The following KBTBD7 variants were observed in gnomAD, a reference collection of about 807,000 sequenced individuals.
KBTBD7 encodes kelch repeat and BTB domain-containing protein 7.
A neutral mutation model predicts 50.3 loss-of-function variants in KBTBD7; 25 were observed. That is an observed-to-expected ratio of 0.50 (90% confidence interval 0.36 to 0.69). KBTBD7 has a LOEUF of 0.69. Among genes scored for constraint, KBTBD7 ranks in the 30% least tolerant of loss-of-function variants. The pLI is 0.00. For synonymous variants in KBTBD7, 305 were observed against 325.3 expected, an observed-to-expected ratio of 0.94 and a Z score of 0.67; for missense variants, 653 against 869.5, an observed-to-expected ratio of 0.75 and a Z score of 3.13.
rs763261469 is a variant in KBTBD7 at position 41,194,304 on chromosome 13, A to C, written c.-47T>G. ...TGACGGCGAGAAAGGCTGCAGGACC[A>C]GGCTCTGGCTCCTCCTCAACCTTCC... On this transcript the variant is annotated 5_prime_UTR_variant, in exon 1 of 1. Coordinates refer to ENST00000379483, the MANE Select transcript of KBTBD7 (RefSeq NM_032138.7). The C allele has an allele frequency of 1.4e-4, 218 of 1,590,590 alleles. No individual in the cohort carries two copies. Among genetic ancestry groups the C allele is most frequent in the East Asian group, 2.5e-4 (11 of 44,654 alleles).
chr13:41,192,073 A>G lies in KBTBD7; in HGVS notation c.*130T>C. ...TCATGGACTGTCTAAACCTTGTAGT[A>G]TTTCAAAATATTACCCTTTCTAAAC... On this transcript the variant is annotated 3_prime_UTR_variant, in exon 1 of 1. Coordinates refer to ENST00000379483, the MANE Select transcript of KBTBD7 (RefSeq NM_032138.7). 1 of 829,884 alleles carries G rather than the reference A, an allele frequency of 1.2e-6. No individual in the cohort carries two copies. Among genetic ancestry groups the G allele is most frequent in the Non-Finnish European group, 1.9e-6 (1 of 514,848 alleles). 51.4% of individuals were successfully genotyped at this position (829,884 alleles called of 1,614,324 possible).
chr13:41,194,547 G>T lies in KBTBD7; in HGVS notation c.-290C>A. The stretch of plus-strand genomic sequence containing the variant: ...CCCCCACTGCCGCGCTGGCGATCCC[G>T]CTAGGCGCCCGGGAGAACTACTGCT... On this transcript the variant is annotated 5_prime_UTR_variant, in exon 1 of 1. Transcript: ENST00000379483. 5.8e-6 allele frequency: 3 copies of T among 513,696 alleles called. No homozygotes were observed. In the South Asian group the frequency reaches 8.0e-5, roughly 14 times the overall value. The allele number at this position is 513,696 out of a possible 1,614,324, so 31.8% of individuals were successfully genotyped here. A position where few individuals can be genotyped will look rare whatever the true frequency, so the allele number is the denominator to read the frequency against.
rs774509202 is a variant in KBTBD7, at chr13:41,193,924, C to A, written c.334G>T (p.Val112Leu). ...GGMYESQQAS[V>L]TMHDVDAESF... The stretch of plus-strand genomic sequence containing the variant: ...TCGGCGTCCACATCGTGCATGGTCA[C>A]GCTGGCCTGCTGGCTCTCGTACATG... Residue 112 changes from valine (V) to leucine (L), a missense_variant, in exon 1 of 1, where the codon GTG becomes TTG. This residue lies in a region of KBTBD7 where 526 missense variants were observed against 717.1 expected (regional missense o/e 0.73). Transcript: ENST00000379483. This position sits in a 1 kb window ranked among gnomAD's most constrained non-coding sequence, Gnocchi z 5.7. 6 of 1,613,920 alleles carry A rather than the reference C, an allele frequency of 3.7e-6. No homozygotes were observed. The South Asian group carries it at 6.6e-5, about 18-fold the overall frequency.
At position 41,191,368 on chromosome 13, in the gene KBTBD7, C is replaced by G. The variant is rs1286264340; in HGVS notation, c.*835G>C. On this transcript the variant is annotated 3_prime_UTR_variant, in exon 1 of 1. Coordinates refer to ENST00000379483, the MANE Select transcript of KBTBD7 (RefSeq NM_032138.7). ...ATGTATTGGGCATAAATTAAAAACA[C>G]AAACATAAAAAGCAAGTTACCGTTT... The G allele has an allele frequency of 2.1e-5, 3 of 141,804 alleles. No individual in the cohort carries two copies. In the East Asian group the frequency reaches 6.1e-4, roughly 29 times the overall value. 8.8% of individuals were successfully genotyped at this position (141,804 alleles called of 1,614,324 possible).
rs1248948806 is a variant in KBTBD7 at position 41,194,177 on chromosome 13, C to T, written c.81G>A (p.Lys27=). The T allele has an allele frequency of 1.9e-6, 3 of 1,614,088 alleles. No homozygotes were observed. Among genetic ancestry groups the T allele is most frequent in the Non-Finnish European group, 2.5e-6 (3 of 1,180,050 alleles). ...RGGRRPKRIS[K]PSVSAFFTGP... ...CCGTGAAAAAGGCCGAAACCGAGGG[C>T]TTGGAAATCCTCTTGGGCCGCCTCC... The change falls in exon 1 of 1, where the codon AAG becomes AAA. Residue 27 remains lysine, a synonymous_variant. Coordinates refer to ENST00000379483, the MANE Select transcript of KBTBD7 (RefSeq NM_032138.7).
rs1269669600 is a variant in KBTBD7 at position 41,194,273 on chromosome 13, G to A, written c.-16C>T. The stretch of plus-strand genomic sequence containing the variant: ...GGGACTGCATGGTGGAGATGGCGAC[G>A]GGCGCTGACGGCGAGAAAGGCTGCA... On this transcript the variant is annotated 5_prime_UTR_variant, in exon 1 of 1. Transcript: ENST00000379483. The A allele has an allele frequency of 1.2e-6, 2 of 1,607,282 alleles. No homozygotes were observed. Among genetic ancestry groups the A allele is most frequent in the African/African-American group, 1.3e-5 (1 of 74,674 alleles).
In KBTBD7 at chr13:41,193,085, T is replaced by C; in HGVS notation, c.1173A>G (p.Pro391=). ...GAGCAGCTAGATAGATGTCATGGTCTGGGGACACACAGACAGCTGAGGAGG... is the reference window on the plus strand; with the variant it reads ...GAGCAGCTAGATAGATGTCATGGTCCGGGGACACACAGACAGCTGAGGAGG... ...TVTSSAVCVS[P]DHDIYLAAQP... The change falls in exon 1 of 1, where the codon CCA becomes CCG. Residue 391 remains proline (P), a synonymous_variant. Coordinates refer to ENST00000379483, the MANE Select transcript of KBTBD7 (RefSeq NM_032138.7). The surrounding 1 kb of genome is among the most constrained non-coding windows in gnomAD (Gnocchi z 5.7). The C allele has an allele frequency of 6.2e-7, 1 of 1,614,220 alleles. No individual in the cohort carries two copies. Among genetic ancestry groups the C allele is most frequent in the Non-Finnish European group, 8.5e-7 (1 of 1,180,044 alleles).
chr13:41,192,677 A>G lies in KBTBD7; in HGVS notation c.1581T>C (p.Cys527=). 1.2e-6 allele frequency: 2 copies of G among 1,614,200 alleles called. No individual in the cohort carries two copies. Among genetic ancestry groups the G allele is most frequent in the Non-Finnish European group, 1.7e-6 (2 of 1,180,048 alleles). ...EACVFNDEIY[C]ICDIPVMKVY... is the part of the protein sequence containing the mutation. ...CCTTCATGACTGGGATGTCACAGAT[A>G]CAATAGATTTCATCATTGAAGACAC... Residue 527 remains cysteine (C), a synonymous_variant, in exon 1 of 1, where the codon TGT becomes TGC. Coordinates refer to ENST00000379483, the MANE Select transcript of KBTBD7 (RefSeq NM_032138.7).
rs1232394448 is a variant in KBTBD7 at position 41,193,541 on chromosome 13, T to C, written c.717A>G (p.Val239=). The C allele has an allele frequency of 3.7e-6, 6 of 1,614,086 alleles. No homozygotes were observed. The highest frequency in any genetic ancestry group is 1.7e-5 in the Admixed American group (1 of 59,998). Residue 239 remains valine (V), a synonymous_variant, in exon 1 of 1, where the codon GTA becomes GTG. Coordinates refer to ENST00000379483, the MANE Select transcript of KBTBD7 (RefSeq NM_032138.7). This position sits in a 1 kb window ranked among gnomAD's most constrained non-coding sequence, Gnocchi z 5.7. ...DSLDIESERT[V]CHVAVQWLEA... ...CCAGCCACTGCACAGCTACATGGCA[T>C]ACAGTCCGCTCACTCTCTATGTCCA...
rs1227465112 is a variant in KBTBD7, at chr13:41,194,143, C to T, written c.115G>A (p.Glu39Lys). Residue 39 changes from glutamate to lysine, a missense_variant, in exon 1 of 1, where the codon GAG (glutamate) becomes AAG (lysine). This residue lies in a region of KBTBD7 where 119 missense variants were observed against 125.0 expected (regional missense o/e 0.95). Coordinates refer to ENST00000379483, the MANE Select transcript of KBTBD7 (RefSeq NM_032138.7). ...SVSAFFTGPE[E>K]LKDTAHSAAL... ...GCAGAATGGGCCGTGTCCTTTAACT[C>T]CTCTGGACCCGTGAAAAAGGCCGAA... 5 of 1,614,230 alleles carry T rather than the reference C, an allele frequency of 3.1e-6. No individual in the cohort carries two copies. Among genetic ancestry groups the T allele is most frequent in the Non-Finnish European group, 4.2e-6 (5 of 1,180,050 alleles).
In KBTBD7 at chr13:41,194,346, C is replaced by A; in HGVS notation, c.-89G>T. ...CAACCTTCCCTCGCTGACGCTAAGA[C>A]AAGCCGCGTCCTGGAACAGACTGCG... On this transcript the variant is annotated 5_prime_UTR_variant, in exon 1 of 1. Transcript: ENST00000379483. 6.6e-7 allele frequency: 1 copy of A among 1,511,946 alleles called. No homozygotes were observed. Among genetic ancestry groups the A allele is most frequent in the Non-Finnish European group, 8.9e-7 (1 of 1,125,222 alleles). The allele number at this position is 1,511,946 out of a possible 1,614,324, so 93.7% of individuals were successfully genotyped here.
chr13:41,191,965 A>G lies in KBTBD7; in HGVS notation c.*238T>C. 1 of 409,930 alleles carries G rather than the reference A, an allele frequency of 2.4e-6. No homozygotes were observed. Among genetic ancestry groups the G allele is most frequent in the Non-Finnish European group, 4.3e-6 (1 of 231,202 alleles). The allele number at this position is 409,930 out of a possible 1,614,324, so 25.4% of individuals were successfully genotyped here. On this transcript the variant is annotated 3_prime_UTR_variant, in exon 1 of 1. Coordinates refer to ENST00000379483, the MANE Select transcript of KBTBD7 (RefSeq NM_032138.7). ...TTTGAACAATGAAAAAAACCTACCA[A>G]GCATCCTAATCAATTATATAGTTCT...
At position 41,192,284 on chromosome 13, in the gene KBTBD7, A is replaced by C; in HGVS notation, c.1974T>G (p.Ser658Arg). The change falls in exon 1 of 1, where the codon AGT becomes AGG. Residue 658 changes from serine to arginine, a missense_variant. Physicochemically the swap from Ser to Arg is moderately radical, Grantham distance 110 (BLOSUM62 -1). Coordinates refer to ENST00000379483, the MANE Select transcript of KBTBD7 (RefSeq NM_032138.7). Reference protein sequence around the residue: ...GFSELDSESGSSSSFSDDEVW... With the variant: ...GFSELDSESGRSSSFSDDEVW... ...CTTCATCATCTGAAAAAGAACTTGAACTTCCTGACTCAGAGTCCAGCTCAC... is the reference window on the plus strand; with the variant it reads ...CTTCATCATCTGAAAAAGAACTTGACCTTCCTGACTCAGAGTCCAGCTCAC... 1 of 1,614,166 alleles carries C rather than the reference A, an allele frequency of 6.2e-7. No homozygotes were observed. The highest frequency in any genetic ancestry group is 8.5e-7 in the Non-Finnish European group (1 of 1,180,034).
rs373720913 is a variant in KBTBD7, at chr13:41,192,716, G to A, written c.1542C>T (p.Asp514=). 79 of 1,614,082 alleles carry A rather than the reference G, an allele frequency of 4.9e-5. No homozygotes were observed. The highest frequency in any genetic ancestry group is 6.2e-5 in the Non-Finnish European group (73 of 1,180,024). ...CATTGAAGACACATGCTTCCTGAAA[G>A]TCACTACGTTTAAGAGAAGCACAGT... is the stretch of plus-strand genomic sequence containing the variant. ...WLNCASLKRS[D]FQEACVFNDE... is the part of the protein sequence containing the mutation. Residue 514 remains aspartate, a synonymous_variant, in exon 1 of 1, where the codon GAC becomes GAT. Coordinates refer to ENST00000379483, the MANE Select transcript of KBTBD7 (RefSeq NM_032138.7).
In KBTBD7 at chr13:41,194,426, T is replaced by G; in HGVS notation, c.-169A>C. Reference sequence around the variant, plus strand: ...ATCCCGCGGTGAGGCCTCCCTTTATTGCATAGACAGTGGCTGACTCACCCT... The same window carrying G: ...ATCCCGCGGTGAGGCCTCCCTTTATGGCATAGACAGTGGCTGACTCACCCT... On this transcript the variant is annotated 5_prime_UTR_variant, in exon 1 of 1. Transcript: ENST00000379483. The G allele has an allele frequency of 2.4e-6, 2 of 847,704 alleles. No homozygotes were observed. The highest frequency in any genetic ancestry group is 1.8e-5 in the South Asian group (1 of 54,900). 52.5% of individuals were successfully genotyped at this position (847,704 alleles called of 1,614,324 possible). A position where few individuals can be genotyped will look rare whatever the true frequency, so the allele number is the denominator to read the frequency against.
At position 41,194,251 on chromosome 13, in the gene KBTBD7, A is replaced by G. The variant is rs781539031; in HGVS notation, c.7T>C (p.Ser3Pro). The G allele has an allele frequency of 1.9e-6, 3 of 1,613,314 alleles. No homozygotes were observed. The highest frequency in any genetic ancestry group is 2.7e-5 in the African/African-American group (2 of 74,884). ...CGAGAGCGCGGGACGTCTTCCCGGG[A>G]CTGCATGGTGGAGATGGCGACGGGC... MQ[S>P]REDVPRSRRL... The change falls in exon 1 of 1, where the codon TCC becomes CCC. Residue 3 changes from serine to proline, a missense_variant. Physicochemically the swap from Ser to Pro is moderately conservative, Grantham distance 74 (BLOSUM62 -1). Transcript: ENST00000379483.
Position 41,194,378 on chromosome 13 carries a change from G to T in KBTBD7, c.-121C>A. 3 of 1,342,940 alleles carry T rather than the reference G, an allele frequency of 2.2e-6. No homozygotes were observed. Among genetic ancestry groups the T allele is most frequent in the African/African-American group, 1.5e-5 (1 of 67,882 alleles). The allele number at this position is 1,342,940 out of a possible 1,614,324, so 83.2% of individuals were successfully genotyped here. A position where few individuals can be genotyped will look rare whatever the true frequency, so the allele number is the denominator to read the frequency against. The stretch of plus-strand genomic sequence containing the variant: ...CGTCCTGGAACAGACTGCGGCACGG[G>T]CCGCACTTCTGAATTCAGCCCTATC... On this transcript the variant is annotated 5_prime_UTR_variant, in exon 1 of 1. Coordinates refer to ENST00000379483, the MANE Select transcript of KBTBD7 (RefSeq NM_032138.7).
rs764665368 is a variant in KBTBD7, at chr13:41,192,967, C to T, written c.1291G>A (p.Ala431Thr). The T allele has an allele frequency of 1.2e-6, 2 of 1,614,164 alleles. No individual in the cohort carries two copies. Among genetic ancestry groups the T allele is most frequent in the Admixed American group, 1.7e-5 (1 of 60,026 alleles). The change falls in exon 1 of 1, where the codon GCA (alanine) becomes ACA (threonine). Residue 431 changes from alanine (A) to threonine (T), a missense_variant. Transcript: ENST00000379483. ...RLLCREGMDV[A>T]YLNGYIYILG... ...ATGTAGATGTAGCCATTGAGATATG[C>T]CACATCCATGCCCTCACGACACAGC...
rs1441678087 is a variant in KBTBD7 at position 41,193,904 on chromosome 13, G to A, written c.354C>T (p.Asp118=). 1.9e-6 allele frequency: 3 copies of A among 1,613,980 alleles called. No individual in the cohort carries two copies. The highest frequency in any genetic ancestry group is 2.2e-5 in the East Asian group (1 of 44,886). ...QQASVTMHDV[D]AESFEVLVDY... ...CGACCAACACCTCGAAGGACTCGGC[G>A]TCCACATCGTGCATGGTCACGCTGG... is the stretch of plus-strand genomic sequence containing the variant. Residue 118 remains aspartate (D), a synonymous_variant, in exon 1 of 1, where the codon GAC becomes GAT. Coordinates refer to ENST00000379483, the MANE Select transcript of KBTBD7 (RefSeq NM_032138.7). The surrounding 1 kb of genome is among the most constrained non-coding windows in gnomAD (Gnocchi z 5.7).
Sources: allele counts gnomAD v4.1 joint callset, GRCh38; gene constraint gnomAD v4.1.1; regional missense constraint gnomAD v4.1.1; non-coding constraint Gnocchi (gnomAD v3.1); transcripts MANE v1.5; gene names NCBI Gene and HGNC (gene_info 2026-07-23, HGNC 2026-07-21).